The following WDR7 variants were observed in gnomAD, a reference collection of about 807,000 sequenced individuals.
WDR7 encodes the protein WD repeat domain 7.
WDR7 carries 46 observed loss-of-function variants against 169.4 expected under a neutral mutation model. The observed-to-expected ratio is 0.27, with a 90% CI of 0.21 to 0.35. The LOEUF (loss-of-function observed/expected upper bound fraction) is 0.35, where lower values mean the gene tolerates loss of function less well. WDR7 is among the 10% of genes least tolerant of loss of function. The probability of loss-of-function intolerance (pLI) is 1.00; values close to 1 mark genes in which losing one functional copy is unlikely to be tolerated. For synonymous variants in WDR7, 612 were observed against 666.8 expected, an observed-to-expected ratio of 0.92 and a Z score of 1.27; for missense variants, 1,534 against 1,859.3, an observed-to-expected ratio of 0.83 and a Z score of 3.22.
intron 18 of WDR7, among the ~76,000 whole-genome samples, chr18:56,781,202 A>G (rs1019414815): frequency 2.0e-5 from 3 of 152,210 alleles, no homozygotes; most frequent in African/African-American, 7.2e-5. Context: ...TAAAAGTAAA[A>G]TGCTACATTA....
intron 26 of WDR7, among the ~76,000 whole-genome samples, chr18:57,017,499 G>GTGTA (rs2048224886): frequency 6.6e-6 from 1 of 151,138 alleles, no homozygotes; most frequent in Non-Finnish European, 1.5e-5. Flanking sequence ...GTGTGTGTGT[G>GTGTA]TGTGTGTGTG....
intron 19 of WDR7, among the ~76,000 whole-genome samples, chr18:56,783,407 C>T (rs2145081285): frequency 6.6e-6 from 1 of 152,202 alleles, no homozygotes; most frequent in African/African-American, 2.4e-5. Context: ...ATGATCATCT[C>T]ATCATAAGCT....
chr18:56,906,145 A>G (rs1289259588), intron 21 of WDR7, among the ~76,000 whole-genome samples: 1 of 152,184 alleles, frequency 6.6e-6, no homozygotes, highest in Non-Finnish European at 1.5e-5. Context: ...AGATCTAAGA[A>G]ATCGTTAAAA....
intron 5 of WDR7, 140 bp downstream of exon 5, chr18:56,682,993 T>C (rs2025379240): frequency 2.2e-6 from 2 of 924,936 alleles, no homozygotes; most frequent in Admixed American, 2.8e-5. Context: ...TAATTTATGG[T>C]CTGTTTCTTC....
intron 26 of WDR7, among the ~76,000 whole-genome samples, chr18:56,974,016 C>G (rs1235909567): frequency 6.6e-6 from 1 of 152,200 alleles, no homozygotes; most frequent in Non-Finnish European, 1.5e-5. Context: ...AGACTCTTGT[C>G]TCCATTGTTG....
intron 25 of WDR7, among the ~76,000 whole-genome samples, chr18:56,941,892 A>G (rs911873139): frequency 6.6e-6 from 1 of 152,124 alleles, no homozygotes; most frequent in African/African-American, 2.4e-5. Context: ...CTGCCATGGA[A>G]TGGCATCCTA....
At chr18:56,937,430 C>G (rs1000589312) in intron 23 of WDR7, among the ~76,000 whole-genome samples, 1 of 151,992 alleles carries the variant, frequency 6.6e-6, no homozygotes, top group Non-Finnish European at 1.5e-5. Context: ...AAGTTTTCCA[C>G]TTCATTGTTC....
intron 20 of WDR7, among the ~76,000 whole-genome samples, chr18:56,837,624 A>T (rs1277289867): frequency 6.6e-6 from 1 of 152,228 alleles, no homozygotes; most frequent in African/African-American, 2.4e-5. Context: ...AATGAAATTT[A>T]TATAACATTA....
intron 20 of WDR7, among the ~76,000 whole-genome samples, chr18:56,832,683 G>T (rs1161941918): frequency 6.6e-6 from 1 of 152,196 alleles, no homozygotes; most frequent in Non-Finnish European, 1.5e-5. Context: ...CTCCACTGGT[G>T]ATACCTGGGC....
chr18:56,699,040 T>A (rs1349709192), intron 12 of WDR7, among the ~76,000 whole-genome samples: 1 of 152,088 alleles, frequency 6.6e-6, no homozygotes, highest in African/African-American at 2.4e-5. Flanking sequence ...AGTTAAATTT[T>A]AAAAAATTGA....
intron 26 of WDR7, among the ~76,000 whole-genome samples, chr18:57,006,863 A>G (rs2048064956): frequency 6.6e-6 from 1 of 152,188 alleles, no homozygotes; most frequent in Admixed American, 6.5e-5. Flanking sequence ...GTGTTCGAGA[A>G]GAATCTGCAT....
chr18:56,992,266 T>C (rs2047828910), intron 26 of WDR7, among the ~76,000 whole-genome samples: 1 of 152,238 alleles, frequency 6.6e-6, no homozygotes, highest in Non-Finnish European at 1.5e-5. Flanking sequence ...TTTATGTAAC[T>C]AGCGATAGAA....
intron 20 of WDR7, among the ~76,000 whole-genome samples, chr18:56,846,632 C>T (rs1288204709): frequency 6.6e-6 from 1 of 152,126 alleles, no homozygotes; most frequent in African/African-American, 2.4e-5. Flanking sequence ...GGCTTGGTGC[C>T]ATCTCGATGG....
downstream of WDR7, chr18:57,029,968 C>G (rs1023298268): frequency 1.3e-5 from 2 of 152,174 alleles, no homozygotes; most frequent in Non-Finnish European, 2.9e-5. Context: ...CAGAGGTAAG[C>G]TCTCCCTCCA....
chr18:56,803,688 C>T (rs1347588699), intron 19 of WDR7, among the ~76,000 whole-genome samples: 1 of 152,092 alleles, frequency 6.6e-6, no homozygotes, highest in Non-Finnish European at 1.5e-5. Flanking sequence ...TTGATAATAA[C>T]AAAAGCAATG....
At chr18:57,007,029 G>T (rs1368643208) in intron 26 of WDR7, among the ~76,000 whole-genome samples, 1 of 150,844 alleles carries the variant, frequency 6.6e-6, no homozygotes, top group African/African-American at 2.4e-5. Context: ...ACCCAGGCTG[G>T]AGTGCAGTGG....
intron 21 of WDR7, among the ~76,000 whole-genome samples, chr18:56,882,314 C>A (rs915145782): frequency 6.6e-6 from 1 of 152,214 alleles, no homozygotes; most frequent in Non-Finnish European, 1.5e-5. Flanking sequence ...GAAGCTTTGA[C>A]ATGATTTGGT....
chr18:57,036,045 A>C, the WDR7 span: 1 of 152,300 alleles, frequency 6.6e-6, no homozygotes, highest in Non-Finnish European at 1.5e-5. Context: ...GATTCTTGCC[A>C]AGGGGGAGGA....
intron 20 of WDR7, among the ~76,000 whole-genome samples, chr18:56,834,061 G>A (rs2045357956): frequency 6.6e-6 from 1 of 152,260 alleles, no homozygotes; most frequent in East Asian, 1.9e-4. Flanking sequence ...GCACAATTCA[G>A]TTCCTTGCAG....
Sources: gnomAD v4.1 joint callset for allele counts (sites outside exome capture counted in the v4.1 genomes callset) on GRCh38, gnomAD v4.1.1 for gene constraint, MANE v1.5 for transcripts, NCBI Gene and HGNC (gene_info 2026-07-23, HGNC 2026-07-21) for gene names.